The following GPR158 variants were observed in gnomAD, a reference collection of about 807,000 sequenced individuals.
GPR158 encodes G protein-coupled receptor 158, also known as metabotropic glycine receptor.
Under a neutral mutation model 78.2 loss-of-function variants are expected in GPR158, and 30 were observed. The ratio of observed to expected loss-of-function variants is 0.38; its 90% CI spans 0.29 to 0.52. The LOEUF (loss-of-function observed/expected upper bound fraction) is 0.52. GPR158 is among the 20% of genes least tolerant of loss of function. The pLI, the probability that GPR158 is intolerant of heterozygous loss-of-function variation, is 0.83. For synonymous variants in GPR158, 581 were observed against 591.1 expected, an observed-to-expected ratio of 0.98 and a Z score of 0.25; for missense variants, 1,463 against 1,523.5, an observed-to-expected ratio of 0.96 and a Z score of 0.66.
chr10:25,517,767 A>T (rs1350365080), intron 5 of GPR158, among the ~76,000 whole-genome samples: 4 of 151,644 alleles, frequency 2.6e-5, no homozygotes, highest in African/African-American at 9.7e-5. Context: ...TGCTGGATTC[A>T]GTTTGCCAGT....
intron 2 of GPR158, among the ~76,000 whole-genome samples, chr10:25,294,661 T>A (rs1219634921): frequency 1.3e-5 from 2 of 152,188 alleles, no homozygotes; most frequent in African/African-American, 4.8e-5. Context: ...TTGGATGTAA[T>A]CATTTCTGTC....
chr10:25,567,819 T>C (rs944157037), intron 6 of GPR158, among the ~76,000 whole-genome samples: 7 of 152,096 alleles, frequency 4.6e-5, no homozygotes, highest in Admixed American at 4.6e-4. Context: ...TGAAAGACCA[T>C]GTTGTCCATC....
chr10:25,527,538 T>C lies in GPR158; in HGVS notation c.1405-23438T>C, dbSNP rs186281252. ...ATTAGAAATATTTCAAATGGAATGA[T>C]AGTGAAAATGTGAGATATCAAAATT... On this transcript the variant is annotated intron_variant, in intron 5 of 10. Transcript: ENST00000376351. Among the ~76,000 whole-genome samples, 144 of 152,242 alleles carry C rather than the reference T, an allele frequency of 9.5e-4. 1 individual carries two copies. Among genetic ancestry groups the C allele is most frequent in the African/African-American group, 3.2e-3 (135 of 41,574 alleles).
intron 1 of GPR158, among the ~76,000 whole-genome samples, chr10:25,202,271 C>CT (rs1852941070): frequency 6.6e-6 from 1 of 151,650 alleles, no homozygotes; most frequent in Non-Finnish European, 1.5e-5. Flanking sequence ...TTTTTTTATA[C>CT]TTTAAGTTCT....
chr10:25,363,563 CT>C (rs1855673585), intron 2 of GPR158, among the ~76,000 whole-genome samples: 1 of 151,880 alleles, frequency 6.6e-6, no homozygotes, highest in African/African-American at 2.4e-5. Flanking sequence ...AATCTCTCTC[CT>C]TGAGCTGGTG....
intron 3 of GPR158, among the ~76,000 whole-genome samples, chr10:25,405,258 G>A (rs1834497295): frequency 6.6e-6 from 1 of 151,820 alleles, no homozygotes; most frequent in African/African-American, 2.4e-5. Context: ...AGTAAGAGAA[G>A]GGAGACTAAT....
At chr10:25,363,743 G>C (rs74126004) in intron 2 of GPR158, among the ~76,000 whole-genome samples, 2 of 151,816 alleles carry the variant, frequency 1.3e-5, no homozygotes, top group Non-Finnish European at 2.9e-5. Context: ...TCTTAATGCT[G>C]TCCCTGATCC....
chr10:25,264,421 C>G (rs1005195756), intron 2 of GPR158, among the ~76,000 whole-genome samples: 1 of 152,190 alleles, frequency 6.6e-6, no homozygotes. Flanking sequence ...CAGTCCACAG[C>G]TATTCCAGCT....
intron 5 of GPR158, among the ~76,000 whole-genome samples, chr10:25,494,882 G>T (rs1451272653): frequency 1.3e-5 from 2 of 152,050 alleles, no homozygotes; most frequent in African/African-American, 4.8e-5. Flanking sequence ...AGTTTTATTT[G>T]TCATTTATTC....
chr10:25,229,758 A>T (rs1321772077), intron 2 of GPR158, among the ~76,000 whole-genome samples: 1 of 152,236 alleles, frequency 6.6e-6, no homozygotes, highest in Non-Finnish European at 1.5e-5. Context: ...GGTATTTTAG[A>T]TTACAAACTA....
intron 5 of GPR158, among the ~76,000 whole-genome samples, chr10:25,510,351 A>G (rs746419550): frequency 2.0e-5 from 3 of 152,230 alleles, no homozygotes; most frequent in Non-Finnish European, 1.5e-5. Context: ...ATTAATTCCA[A>G]AGATGATATT....
intron 6 of GPR158, among the ~76,000 whole-genome samples, chr10:25,551,439 C>G (rs896954538): frequency 2.6e-5 from 4 of 152,158 alleles, no homozygotes; most frequent in African/African-American, 9.7e-5. Flanking sequence ...ACCATAGAAT[C>G]CCATACAGAA....
At chr10:25,422,974 T>A (rs983950575) in intron 4 of GPR158, among the ~76,000 whole-genome samples, 1 of 151,710 alleles carries the variant, frequency 6.6e-6, no homozygotes, top group African/African-American at 2.4e-5. Context: ...CATTCCTGAG[T>A]TACTTCACTT....
At chr10:25,560,129 C>T (rs1213942873) in intron 6 of GPR158, among the ~76,000 whole-genome samples, 1 of 152,164 alleles carries the variant, frequency 6.6e-6, no homozygotes, top group African/African-American at 2.4e-5. Context: ...TCAAACTCAG[C>T]AACTGTTACG....
chr10:25,263,980 G>A (rs1047632121), intron 2 of GPR158, among the ~76,000 whole-genome samples: 1 of 152,106 alleles, frequency 6.6e-6, no homozygotes, highest in African/African-American at 2.4e-5. Context: ...GCCATCTTTT[G>A]GTATTATCCT....
At chr10:25,439,316 C>CAT (rs1835037843) in intron 4 of GPR158, among the ~76,000 whole-genome samples, 1 of 152,168 alleles carries the variant, frequency 6.6e-6, no homozygotes, top group South Asian at 2.1e-4. Context: ...TGTCAGATCT[C>CAT]ATGAGACGTA....
intron 2 of GPR158, among the ~76,000 whole-genome samples, chr10:25,342,056 A>G (rs556124773): frequency 1.3e-3 from 204 of 151,974 alleles, no homozygotes; most frequent in Non-Finnish European, 1.9e-3. Context: ...CTATACCTTC[A>G]TATCTTCTTA....
chr10:25,316,925 ATG>A (rs757331504), intron 2 of GPR158, among the ~76,000 whole-genome samples: 1 of 90,578 alleles, frequency 1.1e-5, no homozygotes, highest in African/African-American at 3.4e-5. Context: ...GTGTGTGTGT[ATG>A]TGTGTGTATA....
intron 7 of GPR158, among the ~76,000 whole-genome samples, chr10:25,583,889 G>T (rs940174410): frequency 2.6e-5 from 4 of 152,156 alleles, no homozygotes; most frequent in African/African-American, 9.7e-5. Flanking sequence ...AGTGGCATTT[G>T]CACTTTGAAG....
Sources: allele counts gnomAD v4.1 joint callset (sites outside exome capture counted in the v4.1 genomes callset), GRCh38; gene constraint gnomAD v4.1.1; transcripts MANE v1.5; gene names NCBI Gene and HGNC (gene_info 2026-07-23, HGNC 2026-07-21).